TMEM184B: variants seen among roughly 807,000 people sequenced by gnomAD.
TMEM184B encodes putative MAPK-activating protein FM08.
TMEM184B carries 17 observed loss-of-function variants against 41.8 expected under a neutral mutation model. The observed-to-expected ratio is 0.41, with a 90% confidence interval of 0.28 to 0.61. The LOEUF (loss-of-function observed/expected upper bound fraction) is 0.61. TMEM184B is among the 20% of genes least tolerant of loss of function. The pLI is 0.34. For synonymous variants in TMEM184B, 240 were observed against 229.5 expected (o/e 1.05, Z -0.41); for missense variants, 393 against 557.8 (o/e 0.70, Z 2.98).
chr22:38,245,953 C>T lies in TMEM184B; in HGVS notation c.340G>A (p.Val114Ile), dbSNP rs201541960. 2.3e-5 allele frequency: 37 copies of T among 1,611,328 alleles called. No individual in the cohort carries two copies. Among genetic ancestry groups the T allele is most frequent in the East Asian group, 1.1e-4 (5 of 44,788 alleles). ...TCCTCACCCTCATAGCAGTCGCGGA[C>T]GGTGCCGAAGTACACGTAGTACTGG... ...NDQYYVYFGT[V>I]RDCYEALVIY... Residue 114 changes from valine to isoleucine, a missense_variant, in exon 3 of 9, where the codon GTC (valine) becomes ATC (isoleucine). Physicochemically the swap from Val to Ile is conservative, Grantham distance 29. This residue lies in a region of TMEM184B where 271 missense variants were observed against 434.1 expected (regional missense o/e 0.62). Coordinates refer to ENST00000361906, the MANE Select transcript of TMEM184B (RefSeq NM_012264.5).
chr22:38,234,150 G>T (rs565408058), intron 3 of TMEM184B, among the ~76,000 whole-genome samples: 1 of 152,172 alleles, frequency 6.6e-6, no homozygotes, highest in Non-Finnish European at 1.5e-5. Context: ...CCCTCCCTTT[G>T]TATCTGGTGG....
In TMEM184B at chr22:38,225,530, G is replaced by A. The variant is rs753153538; in HGVS notation, c.681C>T (p.Tyr227=). 45 of 1,604,716 alleles carry A rather than the reference G, an allele frequency of 2.8e-5. 1 individual carries two copies. The highest frequency in any genetic ancestry group is 1.1e-4 in the East Asian group (5 of 43,912). ...IYNISVSLAL[Y]ALFLFYFATR... is the part of the protein sequence containing the mutation. ...TGGCGAAGTAGAAGAGGAAGAGGGC[G>A]TAGAGGGCCAGGCTGACGGAGATGT... is the stretch of plus-strand genomic sequence containing the variant. The change falls in exon 7 of 9, where the codon TAC becomes TAT. Residue 227 remains tyrosine, a synonymous_variant. Transcript: ENST00000361906. This position sits in a 1 kb window ranked among gnomAD's most constrained non-coding sequence, Gnocchi z 4.4.
rs2091223656 is a variant in TMEM184B, at chr22:38,220,322, C to G, written c.*1147G>C. ...CGAGTGCCAGCAGCTGAACTAAGAGCCCCAGGGAGCGTGTGGGACAGATGG... is the reference window on the plus strand; with the variant it reads ...CGAGTGCCAGCAGCTGAACTAAGAGGCCCAGGGAGCGTGTGGGACAGATGG... On this transcript the variant is annotated 3_prime_UTR_variant, in exon 9 of 9. Coordinates refer to ENST00000361906, the MANE Select transcript of TMEM184B (RefSeq NM_012264.5). 9.1e-6 allele frequency: 9 copies of G among 986,100 alleles called. No homozygotes were observed. The highest frequency in any genetic ancestry group is 1.7e-5 in the African/African-American group (1 of 57,208). The allele number at this position is 986,100 out of a possible 1,614,324, so 61.1% of individuals were successfully genotyped here.
downstream of TMEM184B, among the ~76,000 whole-genome samples, chr22:38,218,429 C>A (rs1383595260): frequency 6.6e-6 from 1 of 152,182 alleles, no homozygotes; most frequent in Admixed American, 6.5e-5. Context: ...GTGCGAAAAA[C>A]CCTGGAGACC....
At chr22:38,231,134 C>A (rs2091606324) in intron 4 of TMEM184B, 110 bp downstream of exon 4, 3 of 966,058 alleles carry the variant, frequency 3.1e-6, no homozygotes, top group South Asian at 2.6e-5. Context: ...CACAGCAGGT[C>A]AAGGTCACGG....
rs148320501 is a variant in TMEM184B at position 38,247,803 on chromosome 22, G to C, written c.159C>G (p.Phe53Leu). 1 of 1,613,998 alleles carries C rather than the reference G, an allele frequency of 6.2e-7. No individual in the cohort carries two copies. The highest frequency in any genetic ancestry group is 8.5e-7 in the Non-Finnish European group (1 of 1,179,988). Residue 53 changes from phenylalanine (F) to leucine (L), a missense_variant, in exon 2 of 9, where the codon TTC becomes TTG. Coordinates refer to ENST00000361906, the MANE Select transcript of TMEM184B (RefSeq NM_012264.5). ...TTAAQAISGF[F>L]VWTALLITCH... ...ATGTGATGAGCAGGGCCGTCCACAC[G>C]AAGAAGCCAGAGATGGCCTGAGCGG...
Position 38,245,998 on chromosome 22 carries a change from G to A in TMEM184B, c.295C>T (p.Leu99Phe). 1 of 1,613,760 alleles carries A rather than the reference G, an allele frequency of 6.2e-7. No individual in the cohort carries two copies. The highest frequency in any genetic ancestry group is 8.5e-7 in the Non-Finnish European group (1 of 1,180,006). The change falls in exon 3 of 9, where the codon CTC becomes TTC. Residue 99 changes from leucine (L) to phenylalanine (F), a missense_variant. By Grantham distance (22) the Leu-to-Phe change is conservative. Around this residue, in one of 2 missense-constraint regions of TMEM184B, gnomAD observed 271 missense variants for 434.1 expected, o/e 0.62. Transcript: ENST00000361906. ...PIYAFDSWLS[L>F]LFFTNDQYYV... is the part of the protein sequence containing the mutation. ...TACTGGTCGTTGGTGAAGAAGAGGAGGCTGAGCCAGGAGTCAAAGGCGTAG... is the reference window on the plus strand; with the variant it reads ...TACTGGTCGTTGGTGAAGAAGAGGAAGCTGAGCCAGGAGTCAAAGGCGTAG...
intron 1 of TMEM184B, among the ~76,000 whole-genome samples, chr22:38,264,459 A>G (rs950382224): frequency 6.6e-6 from 1 of 152,198 alleles, no homozygotes; most frequent in African/African-American, 2.4e-5. Context: ...CAGTCTAGCC[A>G]TTCCAGATGA....
intron 1 of TMEM184B, among the ~76,000 whole-genome samples, chr22:38,258,521 A>G (rs1455227605): frequency 6.6e-6 from 1 of 151,996 alleles, no homozygotes; most frequent in African/African-American, 2.4e-5. Flanking sequence ...GCTGGTCTCG[A>G]ACTCCTGACC....
In TMEM184B at chr22:38,227,108, T is replaced by G. The variant is rs536525642; in HGVS notation, c.526-238A>C. Among the ~76,000 whole-genome samples the G allele has an allele frequency of 1.2e-4, 18 of 146,368 alleles. No individual in the cohort carries two copies. The South Asian group carries it at 1.3e-3, about 11-fold the overall frequency. On this transcript the variant is annotated intron_variant, in intron 5 of 8. Coordinates refer to ENST00000361906, the MANE Select transcript of TMEM184B (RefSeq NM_012264.5). Reference sequence around the variant, plus strand: ...ACGTGTCCTGCTCCCAGGGGACTGCTGTCTGCGCGGGGCGGGGGGCAGAAC... The same window carrying G: ...ACGTGTCCTGCTCCCAGGGGACTGCGGTCTGCGCGGGGCGGGGGGCAGAAC...
chr22:38,263,829 C>G (rs84308), intron 1 of TMEM184B, among the ~76,000 whole-genome samples: 55,176 of 151,880 alleles, frequency 0.36, 10,266 homozygotes, highest in Middle Eastern at 0.5. Flanking sequence ...TTTTGAGATG[C>G]AGTCTCGCTC....
intron 3 of TMEM184B, 32 bp downstream of exon 3, chr22:38,245,903 G>A (rs202013941): frequency 6.3e-5 from 31 of 488,726 alleles, no homozygotes; most frequent in South Asian, 2.0e-4. Flanking sequence ...CCAGCCCCCC[G>A]CCAGCCCTCC....
Position 38,234,665 on chromosome 22 carries a change from A to C in TMEM184B, c.359-3331T>G, listed in dbSNP as rs141470191. Among the ~76,000 whole-genome samples, 659 of 152,234 alleles carry C rather than the reference A, an allele frequency of 4.3e-3. 5 individuals carry two copies. The highest frequency in any genetic ancestry group is 0.015 in the African/African-American group (613 of 41,522). On this transcript the variant is annotated intron_variant, in intron 3 of 8. Coordinates refer to ENST00000361906, the MANE Select transcript of TMEM184B (RefSeq NM_012264.5). ...ATGGTACATTCTGGTCCCTCTGCTC[A>C]CCGCAGAGGCAGACCCCACTGAGAT...
At chr22:38,216,663 G>A (rs965575023), downstream of TMEM184B, among the ~76,000 whole-genome samples, 2 of 152,154 alleles carry the variant, frequency 1.3e-5, no homozygotes, top group African/African-American at 4.8e-5. Context: ...ACAGAGACCA[G>A]TGATGCTGAA....
At chr22:38,266,401 GC>G (rs1194242751) in intron 1 of TMEM184B, among the ~76,000 whole-genome samples, 2 of 152,242 alleles carry the variant, frequency 1.3e-5, no homozygotes, top group Non-Finnish European at 2.9e-5. Context: ...AGCGCCCCTT[GC>G]CTTAGCAGGA....
intron 3 of TMEM184B, among the ~76,000 whole-genome samples, chr22:38,240,194 G>A (rs188109519): frequency 6.6e-6 from 1 of 151,948 alleles, no homozygotes; most frequent in African/African-American, 2.4e-5. Context: ...CAGAAGAAAG[G>A]AATTCAAGAG....
At chr22:38,240,732 C>CAAAAAAAAAA (rs550793359) in intron 3 of TMEM184B, among the ~76,000 whole-genome samples, 11 of 66,568 alleles carry the variant, frequency 1.7e-4, no homozygotes, top group East Asian at 5.1e-4. Context: ...GAAAAAAAGG[C>CAAAAAAAAAA]AAAAAAAAAA....
chr22:38,251,415 C>G (rs185636357), intron 1 of TMEM184B, among the ~76,000 whole-genome samples: 1 of 152,294 alleles, frequency 6.6e-6, no homozygotes, highest in Admixed American at 6.5e-5. Context: ...CATAATTCCC[C>G]AAAATACTTA....
At chr22:38,270,120 C>T (rs934044231) in intron 1 of TMEM184B, among the ~76,000 whole-genome samples, 3 of 152,188 alleles carry the variant, frequency 2.0e-5, no homozygotes, top group Admixed American at 6.5e-5. Context: ...CAAGCCTCTG[C>T]GTCTGAGAGG....
Sources: gnomAD v4.1 joint callset for allele counts (sites outside exome capture counted in the v4.1 genomes callset) on GRCh38, gnomAD v4.1.1 for gene constraint, gnomAD v4.1.1 regional missense constraint, Gnocchi (gnomAD v3.1) non-coding constraint, MANE v1.5 for transcripts, NCBI Gene and HGNC (gene_info 2026-07-23, HGNC 2026-07-21) for gene names.